Variants in ERBB4 observed in about 807,000 individuals in gnomAD.
The protein encoded by ERBB4 is erb-b2 receptor tyrosine kinase 4.
A neutral mutation model predicts 158.0 loss-of-function variants in ERBB4; 42 were observed. That is an observed-to-expected ratio of 0.27 (90% confidence interval 0.21 to 0.34). The LOEUF (loss-of-function observed/expected upper bound fraction) is 0.34, where lower values mean the gene tolerates loss of function less well. ERBB4 is among the 10% of genes least tolerant of loss of function. ERBB4 has a pLI of 1.00. For missense variants in ERBB4, 1,333 were observed against 1,624.1 expected, an observed-to-expected ratio of 0.82 and a Z score of 3.08; for synonymous variants, 583 against 558.7, an observed-to-expected ratio of 1.04 and a Z score of -0.61.
At chr2:212,207,108 A>G (rs1327669101) in intron 1 of ERBB4, among the ~76,000 whole-genome samples, 1 of 152,138 alleles carries the variant, frequency 6.6e-6, no homozygotes, top group Non-Finnish European at 1.5e-5. Context: ...GTATAAACAT[A>G]TTCCAGAAAA....
chr2:211,578,510 AAG>A (rs2067961033), intron 19 of ERBB4, among the ~76,000 whole-genome samples: 1 of 152,228 alleles, frequency 6.6e-6, no homozygotes, highest in East Asian at 1.9e-4. Flanking sequence ...ATCCTAAGCA[AAG>A]AGAAAAAAGC....
chr2:212,148,215 G>A (rs1374670098), intron 1 of ERBB4, among the ~76,000 whole-genome samples: 1 of 151,658 alleles, frequency 6.6e-6, no homozygotes, highest in Non-Finnish European at 1.5e-5. Context: ...GCAGCTAGAG[G>A]CATACACAGG....
At chr2:212,200,058 T>G (rs1168908060) in intron 1 of ERBB4, among the ~76,000 whole-genome samples, 1 of 152,302 alleles carries the variant, frequency 6.6e-6, no homozygotes, top group East Asian at 1.9e-4. Context: ...TTCTCCTTGT[T>G]TAAAATTCTG....
rs746595320 is a variant in ERBB4 at position 212,199,915 on chromosome 2, T to C, written c.83-75012A>G. Among the ~76,000 whole-genome samples the C allele has an allele frequency of 3.0e-4, 45 of 152,182 alleles. 1 individual carries two copies. On this transcript the variant is annotated intron_variant, in intron 1 of 27. Transcript: ENST00000342788. ...CCAGTGAAGTATGAAAAGATATTAGTGGACAACAAGCACATAGCTAAATAG... is the reference window on the plus strand; with the variant it reads ...CCAGTGAAGTATGAAAAGATATTAGCGGACAACAAGCACATAGCTAAATAG...
intron 19 of ERBB4, among the ~76,000 whole-genome samples, chr2:211,594,254 C>T (rs369016042): frequency 2.2e-4 from 33 of 151,940 alleles, no homozygotes; most frequent in Admixed American, 9.2e-4. Flanking sequence ...CTGGGCAACA[C>T]GGTGAAACCT....
chr2:211,804,701 G>A (rs1435098743), intron 3 of ERBB4, among the ~76,000 whole-genome samples: 1 of 152,010 alleles, frequency 6.6e-6, no homozygotes, highest in African/African-American at 2.4e-5. Flanking sequence ...TGGAGTCCAA[G>A]GTTGATTTCT....
intron 3 of ERBB4, among the ~76,000 whole-genome samples, chr2:211,918,643 A>G (rs959591669): frequency 1.3e-5 from 2 of 152,130 alleles, no homozygotes; most frequent in Non-Finnish European, 2.9e-5. Context: ...GTAGGAGTGT[A>G]TTTCCCCACA....
intron 2 of ERBB4, among the ~76,000 whole-genome samples, chr2:211,990,657 T>C (rs954021228): frequency 1.3e-5 from 2 of 152,000 alleles, no homozygotes; most frequent in Non-Finnish European, 2.9e-5. Flanking sequence ...AGCTAACAAA[T>C]AAATTTAGAA....
intron 3 of ERBB4, among the ~76,000 whole-genome samples, chr2:211,855,232 T>C (rs181074336): frequency 6.6e-6 from 1 of 152,298 alleles, no homozygotes; most frequent in Admixed American, 6.5e-5. Flanking sequence ...TTCCTTTTTA[T>C]ATTTTGGATA....
chr2:212,381,933 A>T (rs971143962), intron 1 of ERBB4, among the ~76,000 whole-genome samples: 1 of 151,058 alleles, frequency 6.6e-6, no homozygotes, highest in Admixed American at 6.6e-5. Flanking sequence ...ACAGTTTCCC[A>T]TATAACTCCA....
chr2:211,725,213 G>T lies in ERBB4; in HGVS notation c.623-19C>A, dbSNP rs368459584. On this transcript the variant is annotated intron_variant, in intron 5 of 27. Coordinates refer to ENST00000342788, the MANE Select transcript of ERBB4 (RefSeq NM_005235.3). ...CTTGTCACTGCAGAAGACAGAGATA[G>T]GACCATGATCAAAGTCTGCCACCAG... 4.4e-6 allele frequency: 7 copies of T among 1,578,366 alleles called. No homozygotes were observed. The highest frequency in any genetic ancestry group is 6.1e-6 in the Non-Finnish European group (7 of 1,147,478).
intron 19 of ERBB4, among the ~76,000 whole-genome samples, chr2:211,584,763 A>T (rs2068211930): frequency 6.6e-6 from 1 of 151,396 alleles, no homozygotes; most frequent in Non-Finnish European, 1.5e-5. Flanking sequence ...ATATTTACAT[A>T]TAAAAAATAT....
intron 1 of ERBB4, among the ~76,000 whole-genome samples, chr2:212,522,741 T>G (rs908404777): frequency 6.6e-6 from 1 of 152,020 alleles, no homozygotes; most frequent in Non-Finnish European, 1.5e-5. Flanking sequence ...CCAAATTGAT[T>G]GTTAGAATAT....
intron 3 of ERBB4, among the ~76,000 whole-genome samples, chr2:211,810,840 T>C (rs1335304551): frequency 2.0e-5 from 3 of 150,088 alleles, no homozygotes; most frequent in Admixed American, 6.6e-5. Context: ...GCCCGGCTAA[T>C]TTTTTTTGTA....
At chr2:212,123,319 C>G (rs1436086458) in intron 2 of ERBB4, among the ~76,000 whole-genome samples, 1 of 152,196 alleles carries the variant, frequency 6.6e-6, no homozygotes, top group Non-Finnish European at 1.5e-5. Flanking sequence ...AGGAGAATTG[C>G]TTGAACTCGT....
At chr2:212,021,158 C>T (rs1430746698) in intron 2 of ERBB4, among the ~76,000 whole-genome samples, 3 of 151,746 alleles carry the variant, frequency 2.0e-5, no homozygotes, top group African/African-American at 7.3e-5. Flanking sequence ...CTTTTTGATC[C>T]AGACATATGA....
At chr2:212,044,502 G>A (rs893765282) in intron 2 of ERBB4, among the ~76,000 whole-genome samples, 1 of 151,982 alleles carries the variant, frequency 6.6e-6, no homozygotes, top group Non-Finnish European at 1.5e-5. Flanking sequence ...CCTTCACAAT[G>A]AATTATTATA....
At chr2:212,150,903 CAAG>C (rs2080846124) in intron 1 of ERBB4, among the ~76,000 whole-genome samples, 1 of 152,088 alleles carries the variant, frequency 6.6e-6, no homozygotes, top group African/African-American at 2.4e-5. Context: ...GCAGGTTGCT[CAAG>C]AAGAATGGTT....
intron 25 of ERBB4, among the ~76,000 whole-genome samples, chr2:211,390,138 A>T (rs1280503762): frequency 4.6e-5 from 7 of 152,242 alleles, no homozygotes; most frequent in Non-Finnish European, 1.0e-4. Context: ...TTACCAAATT[A>T]CAAACACTGG....
Sources: gnomAD v4.1 joint callset for allele counts (sites outside exome capture counted in the v4.1 genomes callset) on GRCh38, gnomAD v4.1.1 for gene constraint, MANE v1.5 for transcripts, NCBI Gene and HGNC (gene_info 2026-07-23, HGNC 2026-07-21) for gene names.